MOCS1: variants seen among roughly 807,000 people sequenced by gnomAD.
The protein encoded by MOCS1 is molybdenum cofactor synthesis 1, also known as molybdenum cofactor biosynthesis protein 1.
A neutral mutation model predicts 57.6 loss-of-function variants in MOCS1; 39 were observed. The ratio of observed to expected loss-of-function variants is 0.68; its 90% confidence interval spans 0.52 to 0.88. The LOEUF is 0.88. MOCS1 is among the 40% of genes least tolerant of loss of function. MOCS1 has a pLI of 0.00. For missense variants in MOCS1, 795 were observed against 831.1 expected, an observed-to-expected ratio of 0.96 and a Z score of 0.53; for synonymous variants, 334 against 335.7, an observed-to-expected ratio of 1.00 and a Z score of 0.05.
At chr6:39,933,494 T>C (rs1323674176) in intron 1 of MOCS1, among the ~76,000 whole-genome samples, 1 of 152,048 alleles carries the variant, frequency 6.6e-6, no homozygotes, top group Admixed American at 6.6e-5. Context: ...ACAGGAAGCC[T>C]AGTTCTGGGA....
intron 8 of MOCS1, among the ~76,000 whole-genome samples, chr6:39,910,255 C>T (rs184234124): frequency 2.0e-5 from 3 of 152,220 alleles, no homozygotes; most frequent in East Asian, 1.9e-4. Context: ...AAATCCAGAT[C>T]TCTACCTTCT....
chr6:39,910,421 C>T (rs920413197), intron 8 of MOCS1, among the ~76,000 whole-genome samples: 1 of 152,170 alleles, frequency 6.6e-6, no homozygotes, highest in Non-Finnish European at 1.5e-5. Flanking sequence ...ACCTGACTGC[C>T]CTGTACCTAT....
At chr6:39,915,649 T>G (rs1484476155) in intron 4 of MOCS1, among the ~76,000 whole-genome samples, 1 of 152,060 alleles carries the variant, frequency 6.6e-6, no homozygotes, top group African/African-American at 2.4e-5. Flanking sequence ...GGGGGCCTGC[T>G]GGGGGACCCC....
At chr6:39,915,676 C>T (rs544996368) in intron 4 of MOCS1, among the ~76,000 whole-genome samples, 1 of 152,124 alleles carries the variant, frequency 6.6e-6, no homozygotes, top group African/African-American at 2.4e-5. Flanking sequence ...GCAGCATACA[C>T]CCAGACCCTG....
chr6:39,934,462 T>C lies in MOCS1; in HGVS notation c.-45A>G. The C allele has an allele frequency of 7.0e-7, 1 of 1,419,908 alleles. No individual in the cohort carries two copies. Among genetic ancestry groups the C allele is most frequent in the Non-Finnish European group, 9.3e-7 (1 of 1,074,538 alleles). The allele number at this position is 1,419,908 out of a possible 1,614,324, so 88.0% of individuals were successfully genotyped here. A position where few individuals can be genotyped will look rare whatever the true frequency, so the allele number is the denominator to read the frequency against. The stretch of plus-strand genomic sequence containing the variant: ...ACCGCAGCCCGCTTCGGGAGCACAC[T>C]GGCCGGGCACTCGCCCCCGGGGTCA... On this transcript the variant is annotated 5_prime_UTR_variant, in exon 1 of 11. Coordinates refer to ENST00000340692, the MANE Select transcript of MOCS1 (RefSeq NM_001358530.2).
Position 39,906,373 on chromosome 6 carries a change from T to TC in MOCS1, c.1894dup (p.Asp632GlyfsTer43), listed in dbSNP as rs747994218. The stretch of plus-strand genomic sequence containing the variant: ...GGGCAGGTGCTAAGCCCGATGGAAG[T>TC]CCCCCCGCTGACCACCAGTCTTGCT... On this transcript the variant is annotated frameshift_variant, in exon 11 of 11. Transcript: ENST00000340692. LOFTEE classifies it high-confidence loss of function. 3.8e-5 allele frequency: 60 copies of TC among 1,595,404 alleles called. No homozygotes were observed. The highest frequency in any genetic ancestry group is 2.6e-4 in the South Asian group (23 of 89,440).
rs1353075341 is a variant in MOCS1, at chr6:39,925,794, A to T, written c.302T>A (p.Leu101Gln). Residue 101 changes from leucine (L) to glutamine (Q), a missense_variant, in exon 3 of 11, where the codon CTG becomes CAG. Transcript: ENST00000340692. ...EGVPLTPKAN[L>Q]LTTEEILTLA... ...GGTCAGGATCTCCTCTGTGGTCAGC[A>T]GGTTGGCTTTGGGGGTCAGCGGGAC... 6.2e-7 allele frequency: 1 copy of T among 1,612,822 alleles called. No individual in the cohort carries two copies. Among genetic ancestry groups the T allele is most frequent in the Non-Finnish European group, 8.5e-7 (1 of 1,179,978 alleles).
At chr6:39,920,922 T>C (rs1767927928) in intron 3 of MOCS1, among the ~76,000 whole-genome samples, 1 of 149,206 alleles carries the variant, frequency 6.7e-6, no homozygotes, top group Non-Finnish European at 1.5e-5. Flanking sequence ...GAGGCTGCAG[T>C]GAGCTGTCGT....
chr6:39,934,321 C>A lies in MOCS1; in HGVS notation c.97G>T (p.Gly33Trp). ...TCCGAGGCAGCTCGCGCGGACTCCC[C>A]GGGGCAGGGCTGGGTCACCGGAGCC... The part of the protein sequence containing the change: ...SGAPVTQPCP[G>W]ESARAASEEV... The change falls in exon 1 of 11, where the codon GGG (glycine) becomes TGG (tryptophan). Residue 33 changes from glycine to tryptophan, a missense_variant. Gly to Trp is a radical substitution (Grantham distance 184). Transcript: ENST00000340692. 4 of 1,548,670 alleles carry A rather than the reference C, an allele frequency of 2.6e-6. No individual in the cohort carries two copies. The highest frequency in any genetic ancestry group is 3.5e-6 in the Non-Finnish European group (4 of 1,151,742).
At chr6:39,923,257 TCA>T (rs965670180) in intron 3 of MOCS1, among the ~76,000 whole-genome samples, 3 of 152,160 alleles carry the variant, frequency 2.0e-5, no homozygotes, top group African/African-American at 7.2e-5. Flanking sequence ...CCACAGAATA[TCA>T]CAGCAGAAAA....
At chr6:39,912,760 T>C in intron 7 of MOCS1, 132 bp downstream of exon 7, 1 of 804,818 alleles carries the variant, frequency 1.2e-6, no homozygotes, top group Non-Finnish European at 2.2e-6. Flanking sequence ...ATAGCACTGA[T>C]GCTTCCTGCT....
At chr6:39,919,403 G>A (rs1159517940) in intron 3 of MOCS1, among the ~76,000 whole-genome samples, 1 of 151,994 alleles carries the variant, frequency 6.6e-6, no homozygotes, top group African/African-American at 2.4e-5. Flanking sequence ...CAGGAGAATC[G>A]CTTGAACCCG....
chr6:39,923,474 C>T (rs895056795), intron 3 of MOCS1, among the ~76,000 whole-genome samples: 1 of 152,258 alleles, frequency 6.6e-6, no homozygotes. Flanking sequence ...CTGTACCTCC[C>T]TGACCAGTGA....
intron 1 of MOCS1, among the ~76,000 whole-genome samples, chr6:39,928,622 T>C (rs1408146690): frequency 6.6e-6 from 1 of 152,210 alleles, no homozygotes; most frequent in Non-Finnish European, 1.5e-5. Context: ...GACAAGGTTC[T>C]GGAATGGGAA....
intron 8 of MOCS1, among the ~76,000 whole-genome samples, chr6:39,910,834 C>T (rs7747711): frequency 0.037 from 5,576 of 152,204 alleles, 154 homozygotes; most frequent in African/African-American, 0.068. Context: ...CCCTCCCGCC[C>T]CCCAGCTGGC....
rs113972336 is a variant in MOCS1, at chr6:39,905,130, C to G, written c.*1227G>C. The G allele has an allele frequency of 2.1e-4, 96 of 454,530 alleles. No individual in the cohort carries two copies. Among genetic ancestry groups the G allele is most frequent in the African/African-American group, 1.6e-3 (81 of 50,110 alleles). 28.2% of individuals were successfully genotyped at this position (454,530 alleles called of 1,614,324 possible). On this transcript the variant is annotated 3_prime_UTR_variant, in exon 11 of 11. Transcript: ENST00000340692. ...GCAGAGGGGAGGCAGGCAGGGGGCA[C>G]CACTGAGGACTCAAAGACATCCAAG...
Position 39,905,369 on chromosome 6 carries a change from A to C in MOCS1, c.*988T>G, listed in dbSNP as rs1195759811. ...TTTCCCATAGCGGGGCTATACAGAGAGTACACCCTTAGGCCTTTCCAGGTC... is the reference window on the plus strand; with the variant it reads ...TTTCCCATAGCGGGGCTATACAGAGCGTACACCCTTAGGCCTTTCCAGGTC... On this transcript the variant is annotated 3_prime_UTR_variant, in exon 11 of 11. Transcript: ENST00000340692. 7 of 462,586 alleles carry C rather than the reference A, an allele frequency of 1.5e-5. No homozygotes were observed. Among genetic ancestry groups the C allele is most frequent in the Admixed American group, 1.4e-4 (6 of 42,562 alleles). The allele number at this position is 462,586 out of a possible 1,614,324, so 28.7% of individuals were successfully genotyped here.
intron 4 of MOCS1, among the ~76,000 whole-genome samples, chr6:39,915,246 G>A (rs568869263): frequency 6.6e-6 from 1 of 152,232 alleles, no homozygotes; most frequent in African/African-American, 2.4e-5. Context: ...GACACCATGA[G>A]TGCTTCCTCA....
chr6:39,907,257 T>C (rs965944333), intron 10 of MOCS1, 140 bp from the exon 11 acceptor site: 20 of 938,254 alleles, frequency 2.1e-5, no homozygotes, highest in Middle Eastern at 2.4e-4. Context: ...ACAAAAAGCA[T>C]AGTGGGACAA....
Sources: allele counts gnomAD v4.1 joint callset (sites outside exome capture counted in the v4.1 genomes callset), GRCh38; gene constraint gnomAD v4.1.1; transcripts MANE v1.5; gene names NCBI Gene and HGNC (gene_info 2026-07-23, HGNC 2026-07-21).